Variants in PPFIBP1 observed in about 807,000 individuals in gnomAD.
The protein encoded by PPFIBP1 is PPFIB scaffold protein 1.
A neutral mutation model predicts 137.8 loss-of-function variants in PPFIBP1; 112 were observed. The ratio of observed to expected loss-of-function variants is 0.81; its 90% CI spans 0.70 to 0.95. The LOEUF is 0.95. Among genes scored for constraint, PPFIBP1 ranks in the 40% least tolerant of loss-of-function variants. The pLI, the probability that PPFIBP1 is intolerant of heterozygous loss-of-function variation, is 0.00. For synonymous variants in PPFIBP1, 378 were observed against 417.3 expected, an observed-to-expected ratio of 0.91 and a Z score of 1.15; for missense variants, 1,083 against 1,196.6, an observed-to-expected ratio of 0.91 and a Z score of 1.40.
Position 27,682,641 on chromosome 12 carries a change from C to T in PPFIBP1, c.2185C>T (p.Gln729Ter). Reference sequence around the variant, plus strand: ...ATGGTTGGATGACATTGGCCTCCCTCAATATAAGACCCAGTTTGATGAAGG... The same window carrying T: ...ATGGTTGGATGACATTGGCCTCCCTTAATATAAGACCCAGTTTGATGAAGG... ...TRWLDDIGLP[Q>*]YKTQFDEGRV... The change falls in exon 24 of 30, where the codon CAA becomes TAA. Residue 729 changes from glutamine (Q) to a stop codon, truncating the protein, a stop_gained. Transcript: ENST00000228425. LOFTEE classifies it high-confidence loss of function. 1.2e-6 allele frequency: 2 copies of T among 1,614,094 alleles called. No individual in the cohort carries two copies. The highest frequency in any genetic ancestry group is 1.7e-6 in the Non-Finnish European group (2 of 1,180,028).
chr12:27,637,218 A>G (rs1345329955), intron 4 of PPFIBP1: 1 of 152,210 alleles, frequency 6.6e-6, no homozygotes, highest in African/African-American at 2.4e-5. Flanking sequence ...TTATTTTAAA[A>G]AAATTACTGT....
In PPFIBP1 at chr12:27,682,690, A is replaced by C. The variant is rs777426591; in HGVS notation, c.2234A>C (p.His745Pro). Residue 745 changes from histidine to proline, a missense_variant, in exon 24 of 30, where the codon CAT becomes CCT. His to Pro is a moderately conservative substitution (Grantham distance 77). Coordinates refer to ENST00000228425, the MANE Select transcript of PPFIBP1 (RefSeq NM_003622.4). ...GGACGGGTTGATGGTCGAATGCTAC[A>C]TTACATGACTGTTGTAAGTGACTCA... ...DEGRVDGRML[H>P]YMTVDDLLSL... 6.2e-7 allele frequency: 1 copy of C among 1,614,160 alleles called. No homozygotes were observed. The highest frequency in any genetic ancestry group is 8.5e-7 in the Non-Finnish European group (1 of 1,180,016).
chr12:27,531,464 T>TA (rs1223565345), intron 1 of PPFIBP1, among the ~76,000 whole-genome samples: 1 of 151,382 alleles, frequency 6.6e-6, no homozygotes, highest in Non-Finnish European at 1.5e-5. Context: ...AGCTAATTTT[T>TA]TTTTTTTTTT....
At chr12:27,570,736 C>G (rs938264229) in intron 1 of PPFIBP1, among the ~76,000 whole-genome samples, 1 of 151,690 alleles carries the variant, frequency 6.6e-6, no homozygotes, top group Non-Finnish European at 1.5e-5. Context: ...CAGTGAAACC[C>G]TGTCTCTACG....
chr12:27,672,979 T>A (rs960478894), intron 15 of PPFIBP1, among the ~76,000 whole-genome samples: 1 of 148,876 alleles, frequency 6.7e-6, no homozygotes, highest in Admixed American at 6.7e-5. Context: ...CTTTTCTTTC[T>A]CACTATTATC....
At chr12:27,664,013 G>A (rs2059706709) in intron 11 of PPFIBP1, among the ~76,000 whole-genome samples, 1 of 152,126 alleles carries the variant, frequency 6.6e-6, no homozygotes, top group Admixed American at 6.5e-5. Flanking sequence ...GAGAGTTATT[G>A]AAGCTGACTT....
At chr12:27,529,648 C>T (rs988971898) in intron 1 of PPFIBP1, among the ~76,000 whole-genome samples, 7 of 152,206 alleles carry the variant, frequency 4.6e-5, no homozygotes, top group African/African-American at 1.7e-4. Context: ...GAGCTGAGAT[C>T]ACGCCACTGC....
At chr12:27,621,597 G>A (rs2056347948) in intron 2 of PPFIBP1, among the ~76,000 whole-genome samples, 1 of 152,110 alleles carries the variant, frequency 6.6e-6, no homozygotes, top group African/African-American at 2.4e-5. Context: ...GGTAATTCTG[G>A]CCAGGAGCAC....
At chr12:27,663,624 T>G (rs1481502585) in intron 11 of PPFIBP1, among the ~76,000 whole-genome samples, 4 of 152,126 alleles carry the variant, frequency 2.6e-5, no homozygotes, top group African/African-American at 9.7e-5. Context: ...ACAGATTACT[T>G]GAGCCCAGGA....
chr12:27,628,594 G>A (rs1443792568), intron 2 of PPFIBP1, among the ~76,000 whole-genome samples: 1 of 152,146 alleles, frequency 6.6e-6, no homozygotes. Flanking sequence ...GATATTCTGA[G>A]CCTTTTATTT....
chr12:27,589,224 A>G (rs1300798711), intron 2 of PPFIBP1, among the ~76,000 whole-genome samples: 5 of 152,200 alleles, frequency 3.3e-5, no homozygotes, highest in African/African-American at 1.2e-4. Flanking sequence ...TTGTTGGTGT[A>G]AGGACTTTAG....
At chr12:27,667,898 G>A (rs562514067) in intron 13 of PPFIBP1, among the ~76,000 whole-genome samples, 19 of 152,172 alleles carry the variant, frequency 1.2e-4, no homozygotes, top group African/African-American at 2.9e-4. Context: ...CAAGAGGCCC[G>A]GGCAACTTTG....
chr12:27,693,454 A>G lies in PPFIBP1; in HGVS notation c.*572A>G, dbSNP rs2061658011. ...GTGACCTAAGGACGATGGTGAAAAG[A>G]TCACGTTTTCAAAACAATCTGGTGA... On this transcript the variant is annotated 3_prime_UTR_variant, in exon 30 of 30. Transcript: ENST00000228425. 6.6e-6 allele frequency: 1 copy of G among 152,228 alleles called. No individual in the cohort carries two copies. Among genetic ancestry groups the G allele is most frequent in the African/African-American group, 2.4e-5 (1 of 41,452 alleles). 9.4% of individuals were successfully genotyped at this position (152,228 alleles called of 1,614,324 possible). A position where few individuals can be genotyped will look rare whatever the true frequency, so the allele number is the denominator to read the frequency against.
chr12:27,684,302 T>A (rs2061068070), intron 24 of PPFIBP1, among the ~76,000 whole-genome samples: 1 of 150,866 alleles, frequency 6.6e-6, no homozygotes, highest in Non-Finnish European at 1.5e-5. Context: ...GGAGATGGAG[T>A]TTCGCCATGT....
At chr12:27,573,352 C>T (rs2050293082) in intron 1 of PPFIBP1, among the ~76,000 whole-genome samples, 2 of 152,076 alleles carry the variant, frequency 1.3e-5, no homozygotes, top group Admixed American at 6.5e-5. Flanking sequence ...GAAAAGGCTT[C>T]ATGATTTGGG....
intron 1 of PPFIBP1, among the ~76,000 whole-genome samples, chr12:27,545,598 T>C (rs1438521528): frequency 6.6e-6 from 1 of 152,208 alleles, no homozygotes; most frequent in Non-Finnish European, 1.5e-5. Flanking sequence ...CCACGAGCTA[T>C]AATGCATCTA....
At chr12:27,654,534 G>A in intron 7 of PPFIBP1, 188 bp from the exon 8 acceptor site, 1 of 651,630 alleles carries the variant, frequency 1.5e-6, no homozygotes, top group Non-Finnish European at 2.3e-6. Context: ...GGATTTAAAG[G>A]AATGTTTTAA....
Position 27,645,911 on chromosome 12 carries a change from C to T in PPFIBP1, c.271-151C>T, listed in dbSNP as rs542204975. 3 of 602,452 alleles carry T rather than the reference C, an allele frequency of 5.0e-6. No homozygotes were observed. The South Asian group carries it at 5.9e-5, about 12-fold the overall frequency. The allele number at this position is 602,452 out of a possible 1,614,324, so 37.3% of individuals were successfully genotyped here. A position where few individuals can be genotyped will look rare whatever the true frequency, so the allele number is the denominator to read the frequency against. On this transcript the variant is annotated intron_variant, in intron 4 of 29. Coordinates refer to ENST00000228425, the MANE Select transcript of PPFIBP1 (RefSeq NM_003622.4). ...CTTACCTCTTTTGTGGTAAATGAACCAAATTGCATTCTCGTATTTTCTGTT... is the reference window on the plus strand; with the variant it reads ...CTTACCTCTTTTGTGGTAAATGAACTAAATTGCATTCTCGTATTTTCTGTT...
chr12:27,623,282 T>C (rs1008262692), intron 2 of PPFIBP1, among the ~76,000 whole-genome samples: 8 of 152,244 alleles, frequency 5.3e-5, no homozygotes, highest in African/African-American at 1.9e-4. Context: ...AGGAATAATG[T>C]CATTCCAAAA....
Sources: allele counts gnomAD v4.1 joint callset (sites outside exome capture counted in the v4.1 genomes callset), GRCh38; gene constraint gnomAD v4.1.1; transcripts MANE v1.5; gene names NCBI Gene and HGNC (gene_info 2026-07-23, HGNC 2026-07-21).